LARGE1: variants seen among roughly 807,000 people sequenced by gnomAD.
LARGE1 encodes the protein xylosyl- and glucuronyltransferase LARGE1.
In LARGE1, 43 loss-of-function variants were observed where a neutral mutation model predicts 87.6. The ratio of observed to expected loss-of-function variants is 0.49; its 90% CI spans 0.38 to 0.63. The LOEUF (loss-of-function observed/expected upper bound fraction) is 0.63, where lower values mean the gene tolerates loss of function less well. Ranked by LOEUF, LARGE1 falls within the 30% of genes least tolerant of loss-of-function variation. LARGE1 has a pLI of 0.00. For missense variants in LARGE1, 802 were observed against 1,000.2 expected, an observed-to-expected ratio of 0.80 and a Z score of 2.67; for synonymous variants, 434 against 394.6, an observed-to-expected ratio of 1.10 and a Z score of -1.18.
At chr22:33,816,346 T>A (rs1449985657) in intron 1 of LARGE1, among the ~76,000 whole-genome samples, 1 of 147,516 alleles carries the variant, frequency 6.8e-6, no homozygotes, top group Non-Finnish European at 1.5e-5. Flanking sequence ...TTATTTCTTA[T>A]AGTTCTAGAG....
chr22:33,104,939 C>CTTTT, the LARGE1 span, among the ~76,000 whole-genome samples: 1 of 141,506 alleles, frequency 7.1e-6, no homozygotes, highest in South Asian at 2.3e-4. Context: ...TTCTTTCTTT[C>CTTTT]TTTCTTTCTC....
chr22:33,632,737 T>C (rs2080149342), intron 3 of LARGE1, among the ~76,000 whole-genome samples: 1 of 152,166 alleles, frequency 6.6e-6, no homozygotes, highest in Non-Finnish European at 1.5e-5. Flanking sequence ...CTTGTCCTGT[T>C]GGCTGGAAAG....
the LARGE1 span, among the ~76,000 whole-genome samples, chr22:33,135,878 A>AAAAT: frequency 6.8e-4 from 104 of 152,064 alleles, no homozygotes; most frequent in Middle Eastern, 3.4e-3. Context: ...AAAATAAAAT[A>AAAAT]AAAGTGAGAA....
At chr22:33,575,759 T>C (rs553864989) in intron 5 of LARGE1, among the ~76,000 whole-genome samples, 1 of 152,244 alleles carries the variant, frequency 6.6e-6, no homozygotes, top group East Asian at 1.9e-4. Flanking sequence ...AATTCCAGAA[T>C]GATGACAAAG....
chr22:33,430,710 A>G (rs2067049342), intron 7 of LARGE1, among the ~76,000 whole-genome samples: 1 of 152,218 alleles, frequency 6.6e-6, no homozygotes, highest in Non-Finnish European at 1.5e-5. Context: ...ACCTCTGGAC[A>G]TTGATGCTGG....
intron 12 of LARGE1, among the ~76,000 whole-genome samples, chr22:33,295,154 A>G (rs1163751493): frequency 6.6e-6 from 1 of 152,144 alleles, no homozygotes; most frequent in African/African-American, 2.4e-5. Context: ...TGCTCGTAAG[A>G]AGTGGATCAG....
chr22:33,112,386 T>C, the LARGE1 span, among the ~76,000 whole-genome samples: 1 of 152,208 alleles, frequency 6.6e-6, no homozygotes, highest in Non-Finnish European at 1.5e-5. Flanking sequence ...CTAGAGTTTT[T>C]AGGGGATTAA....
At chr22:33,706,981 T>C (rs1027701936) in intron 2 of LARGE1, among the ~76,000 whole-genome samples, 1 of 152,206 alleles carries the variant, frequency 6.6e-6, no homozygotes, top group African/African-American at 2.4e-5. Flanking sequence ...TTTGATATAG[T>C]AGCAACAGAA....
intron 1 of LARGE1, among the ~76,000 whole-genome samples, chr22:33,835,285 A>T (rs1223850353): frequency 1.3e-5 from 2 of 152,204 alleles, no homozygotes; most frequent in African/African-American, 4.8e-5. Flanking sequence ...TACACTTTGG[A>T]GTCTGTAAAG....
chr22:33,775,105 C>A (rs951230312), intron 1 of LARGE1, among the ~76,000 whole-genome samples: 3 of 152,184 alleles, frequency 2.0e-5, no homozygotes, highest in Non-Finnish European at 4.4e-5. Flanking sequence ...CACTTTCACA[C>A]GGCCTTAATT....
the LARGE1 span, among the ~76,000 whole-genome samples, chr22:33,085,125 A>C: frequency 6.6e-6 from 1 of 152,122 alleles, no homozygotes; most frequent in Non-Finnish European, 1.5e-5. Flanking sequence ...AAAATACAAA[A>C]ATTAACTGGG....
intron 11 of LARGE1, among the ~76,000 whole-genome samples, chr22:33,314,030 G>A (rs960566767): frequency 6.6e-6 from 1 of 152,198 alleles, no homozygotes; most frequent in Non-Finnish European, 1.5e-5. Flanking sequence ...CTCCCACTAA[G>A]TGCCTGGTGC....
chr22:33,417,702 C>T (rs912840563), intron 7 of LARGE1, among the ~76,000 whole-genome samples: 3 of 152,124 alleles, frequency 2.0e-5, no homozygotes, highest in Admixed American at 6.5e-5. Flanking sequence ...CCGGGGCTCT[C>T]GGGGAGAAAC....
chr22:33,075,352 C>G, the LARGE1 span, among the ~76,000 whole-genome samples: 2 of 151,990 alleles, frequency 1.3e-5, no homozygotes, highest in Non-Finnish European at 1.5e-5. Flanking sequence ...CTGTGTCTAT[C>G]TGTAGGAGGA....
At chr22:33,167,892 A>G (rs916244) in intron 11 of LARGE1, among the ~76,000 whole-genome samples, 51,111 of 152,014 alleles carry the variant, frequency 0.34, 9,050 homozygotes, top group Non-Finnish European at 0.39. Context: ...AATGTCAGAA[A>G]AAACAAATTG....
intron 2 of LARGE1, chr22:33,657,010 G>A (rs2080978584): frequency 6.6e-6 from 1 of 152,222 alleles, no homozygotes; most frequent in African/African-American, 2.4e-5. Context: ...AATGTGCTGA[G>A]TATCTCTGGA....
At chr22:33,089,371 C>CTTCTTCTTCTTCTTCTCCTT in the LARGE1 span, among the ~76,000 whole-genome samples, 27 of 76,086 alleles carry the variant, frequency 3.5e-4, no homozygotes, top group East Asian at 8.7e-4. Context: ...TTCTTCTTCT[C>CTTCTTCTTCTTCTTCTCCTT]CTTCTTCTTC....
chr22:33,876,780 C>T (rs1409679805), intron 1 of LARGE1, among the ~76,000 whole-genome samples: 1 of 151,666 alleles, frequency 6.6e-6, no homozygotes, highest in African/African-American at 2.4e-5. Context: ...TGTAACAAAC[C>T]TGCACATTCT....
At chr22:33,483,425 T>A (rs1180746500) in intron 6 of LARGE1, among the ~76,000 whole-genome samples, 2 of 152,130 alleles carry the variant, frequency 1.3e-5, no homozygotes, top group East Asian at 1.9e-4. Flanking sequence ...AGAGGTAGTG[T>A]CATGCAAAAT....
Sources: gnomAD v4.1 joint callset for allele counts (sites outside exome capture counted in the v4.1 genomes callset) on GRCh38, gnomAD v4.1.1 for gene constraint, MANE v1.5 for transcripts, NCBI Gene and HGNC (gene_info 2026-07-23, HGNC 2026-07-21) for gene names.